The following SHISA6 variants were observed in gnomAD, a reference collection of about 807,000 sequenced individuals.
SHISA6 encodes protein shisa-6.
In SHISA6, 22 loss-of-function variants were observed where a neutral mutation model predicts 47.9. The ratio of observed to expected loss-of-function variants is 0.46; its 90% CI spans 0.33 to 0.66. The LOEUF (loss-of-function observed/expected upper bound fraction) is 0.66, where lower values mean the gene tolerates loss of function less well. Ranked by LOEUF, SHISA6 falls within the 30% of genes least tolerant of loss-of-function variation. The pLI is 0.02. For synonymous variants in SHISA6, 388 were observed against 337.8 expected (o/e 1.15, Z -1.63); for missense variants, 680 against 764.6 (o/e 0.89, Z 1.30).
rs139388009 is a variant in SHISA6, at chr17:11,277,241, T to TTCTCTCTCTCTC, written c.799+13744_799+13755dup. On this transcript the variant is annotated intron_variant, in intron 2 of 5. Coordinates refer to ENST00000441885, the MANE Select transcript of SHISA6 (RefSeq NM_207386.4). ...CTCCCTCCCCATCCCCGGTTTCTCT[T>TTCTCTCTCTCTC]TCTCTCTCTCTCTCTCTCTCTCTCT... Among the ~76,000 whole-genome samples the TTCTCTCTCTCTC allele has an allele frequency of 3.1e-3, 239 of 78,086 alleles. 1 individual carries two copies. Among genetic ancestry groups the TTCTCTCTCTCTC allele is most frequent in the African/African-American group, 3.4e-3 (59 of 17,134 alleles). 51.2% of individuals were successfully genotyped at this position (78,086 alleles called of 152,430 possible).
intron 2 of SHISA6, among the ~76,000 whole-genome samples, chr17:11,265,783 C>G (rs1908403765): frequency 1.3e-5 from 2 of 152,174 alleles, no homozygotes; most frequent in African/African-American, 4.8e-5. Flanking sequence ...TGAACACAGA[C>G]TGATTAGGTG....
chr17:11,549,267 A>G (rs1210676695), intron 3 of SHISA6, among the ~76,000 whole-genome samples: 1 of 152,230 alleles, frequency 6.6e-6, no homozygotes, highest in Non-Finnish European at 1.5e-5. Flanking sequence ...CGGTTATTTT[A>G]GGGTTATTCT....
intron 3 of SHISA6, among the ~76,000 whole-genome samples, chr17:11,435,991 T>C (rs1183577565): frequency 6.6e-6 from 1 of 152,196 alleles, no homozygotes; most frequent in African/African-American, 2.4e-5. Context: ...TTAGCATTGA[T>C]TGGAGTATCT....
At chr17:11,535,883 CAATGTG>C (rs1289030818) in intron 3 of SHISA6, among the ~76,000 whole-genome samples, 2 of 88,924 alleles carry the variant, frequency 2.2e-5, no homozygotes, top group Non-Finnish European at 4.2e-5. Flanking sequence ...GATGGGAAAA[CAATGTG>C]TGTGTGTGTG....
At chr17:11,359,482 C>G (rs1300462136) in intron 2 of SHISA6, among the ~76,000 whole-genome samples, 7 of 151,984 alleles carry the variant, frequency 4.6e-5, no homozygotes, top group Admixed American at 4.6e-4. Flanking sequence ...TCTCTGGCCT[C>G]TCTCTCTGCA....
At chr17:11,442,641 A>G (rs1158191733) in intron 3 of SHISA6, among the ~76,000 whole-genome samples, 1 of 152,226 alleles carries the variant, frequency 6.6e-6, no homozygotes, top group Non-Finnish European at 1.5e-5. Context: ...GGCTCACAGT[A>G]AAGACTCAGC....
At chr17:11,400,669 G>A (rs944514041) in intron 3 of SHISA6, among the ~76,000 whole-genome samples, 1 of 152,106 alleles carries the variant, frequency 6.6e-6, no homozygotes, top group African/African-American at 2.4e-5. Context: ...TCAGAATCTT[G>A]TAGTGGTTTC....
intron 3 of SHISA6, among the ~76,000 whole-genome samples, chr17:11,447,275 G>T (rs1267118421): frequency 6.6e-6 from 1 of 152,238 alleles, no homozygotes; most frequent in Non-Finnish European, 1.5e-5. Context: ...TAAGAAGGTA[G>T]TCTCTGAATT....
chr17:11,322,844 G>C (rs1484946463), intron 2 of SHISA6, among the ~76,000 whole-genome samples: 1 of 152,158 alleles, frequency 6.6e-6, no homozygotes, highest in Non-Finnish European at 1.5e-5. Flanking sequence ...TTCTTTAAAG[G>C]CTACATTGGG....
chr17:11,341,428 A>G (rs541616067), intron 2 of SHISA6, among the ~76,000 whole-genome samples: 1 of 140,764 alleles, frequency 7.1e-6, no homozygotes, highest in African/African-American at 2.7e-5. Context: ...TCTGCCTCCC[A>G]GATTCAAGTG....
chr17:11,420,441 A>G (rs1246711906), intron 3 of SHISA6, among the ~76,000 whole-genome samples: 2 of 152,214 alleles, frequency 1.3e-5, no homozygotes, highest in East Asian at 3.9e-4. Context: ...GTAGGATTTT[A>G]TGAACACAGG....
chr17:11,285,819 C>G (rs944732778), intron 2 of SHISA6, among the ~76,000 whole-genome samples: 7 of 150,770 alleles, frequency 4.6e-5, no homozygotes, highest in African/African-American at 1.7e-4. Flanking sequence ...TGGTGTGGCT[C>G]TGTGTCTCTC....
intron 3 of SHISA6, among the ~76,000 whole-genome samples, chr17:11,453,258 A>G (rs930872295): frequency 6.6e-6 from 1 of 152,164 alleles, no homozygotes; most frequent in African/African-American, 2.4e-5. Flanking sequence ...TGACTCCAAG[A>G]CAGTATTGGC....
intron 2 of SHISA6, among the ~76,000 whole-genome samples, chr17:11,325,696 TA>T (rs34638021): frequency 0.22 from 31,669 of 145,108 alleles, 3,697 homozygotes; most frequent in African/African-American, 0.34. Flanking sequence ...GTGCCATGTT[TA>T]AAAAAAAAAA....
intron 3 of SHISA6, among the ~76,000 whole-genome samples, chr17:11,523,762 T>C (rs1252584631): frequency 1.3e-5 from 2 of 152,150 alleles, no homozygotes; most frequent in Admixed American, 1.3e-4. Context: ...TCCCAGCACT[T>C]TGGGAGGCCG....
At chr17:11,351,422 T>C (rs1911887215) in intron 2 of SHISA6, among the ~76,000 whole-genome samples, 1 of 152,212 alleles carries the variant, frequency 6.6e-6, no homozygotes, top group Admixed American at 6.5e-5. Flanking sequence ...TGTTACATGC[T>C]TTTCCATTTT....
chr17:11,450,432 G>A lies in SHISA6; in HGVS notation c.895+70923G>A, dbSNP rs534846803. Among the ~76,000 whole-genome samples the A allele has an allele frequency of 9.7e-4, 147 of 152,062 alleles. 1 individual carries two copies. The highest frequency in any genetic ancestry group is 6.8e-3 in the Middle Eastern group (2 of 294). ...GGCACTTTGGGAGGCCGAGGTGGGCGGATCACCTGAGGTCAGGAGTTTGAG... is the reference window on the plus strand; with the variant it reads ...GGCACTTTGGGAGGCCGAGGTGGGCAGATCACCTGAGGTCAGGAGTTTGAG... On this transcript the variant is annotated intron_variant, in intron 3 of 5. Transcript: ENST00000441885.
chr17:11,521,353 G>A (rs936088300), intron 3 of SHISA6, among the ~76,000 whole-genome samples: 2 of 152,126 alleles, frequency 1.3e-5, no homozygotes, highest in African/African-American at 4.8e-5. Flanking sequence ...CTTATTCTAA[G>A]TTTGGTCAAA....
intron 2 of SHISA6, among the ~76,000 whole-genome samples, chr17:11,332,781 T>C (rs763047942): frequency 8.5e-5 from 13 of 152,196 alleles, no homozygotes; most frequent in Non-Finnish European, 1.6e-4. Flanking sequence ...CCCACTCTCA[T>C]TGCTTTAGGA....
Sources: allele counts gnomAD v4.1 joint callset (sites outside exome capture counted in the v4.1 genomes callset), GRCh38; gene constraint gnomAD v4.1.1; transcripts MANE v1.5; gene names NCBI Gene and HGNC (gene_info 2026-07-23, HGNC 2026-07-21).